TAFA1: variants seen among roughly 807,000 people sequenced by gnomAD.
The protein encoded by TAFA1 is chemokine-like protein TAFA-1.
Under a neutral mutation model 18.5 loss-of-function variants are expected in TAFA1, and 4 were observed. The observed-to-expected ratio is 0.22, with a 90% CI of 0.11 to 0.49. The LOEUF (loss-of-function observed/expected upper bound fraction) is 0.49, where lower values mean the gene tolerates loss of function less well. Ranked by LOEUF, TAFA1 falls within the 20% of genes least tolerant of loss-of-function variation. The pLI is 0.98. For synonymous variants in TAFA1, 56 were observed against 55.2 expected, an observed-to-expected ratio of 1.01 and a Z score of -0.06; for missense variants, 147 against 169.0, an observed-to-expected ratio of 0.87 and a Z score of 0.72.
chr3:68,023,765 G>A (rs373892939), intron 2 of TAFA1, among the ~76,000 whole-genome samples: 2 of 152,170 alleles, frequency 1.3e-5, no homozygotes, highest in African/African-American at 4.8e-5. Context: ...AAAATAACAT[G>A]ACATCAAGCT....
At chr3:68,346,677 T>C (rs1039156596) in intron 2 of TAFA1, among the ~76,000 whole-genome samples, 2 of 152,220 alleles carry the variant, frequency 1.3e-5, no homozygotes, top group African/African-American at 4.8e-5. Context: ...CAGAACTTGC[T>C]GTAGGTTAAC....
At chr3:68,447,210 G>A (rs1205987890) in intron 3 of TAFA1, among the ~76,000 whole-genome samples, 1 of 152,152 alleles carries the variant, frequency 6.6e-6, no homozygotes, top group Non-Finnish European at 1.5e-5. Flanking sequence ...CACACACAAT[G>A]CAGCCTCCTA....
chr3:68,448,623 A>G (rs1421157524), intron 3 of TAFA1, among the ~76,000 whole-genome samples: 1 of 149,640 alleles, frequency 6.7e-6, no homozygotes, highest in Admixed American at 6.6e-5. Context: ...TTTTTTTTCT[A>G]TTTAAGGCCA....
At chr3:68,497,446 G>A (rs999029051) in intron 3 of TAFA1, among the ~76,000 whole-genome samples, 1 of 152,156 alleles carries the variant, frequency 6.6e-6, no homozygotes. Context: ...CTAAGATTGA[G>A]AGGTATCAAG....
At chr3:68,380,511 A>G (rs548101278) in intron 2 of TAFA1, among the ~76,000 whole-genome samples, 1 of 152,272 alleles carries the variant, frequency 6.6e-6, no homozygotes, top group South Asian at 2.1e-4. Context: ...CATTTCTCTG[A>G]TGGCCAGTGA....
At chr3:68,231,437 T>C (rs562832399) in intron 2 of TAFA1, among the ~76,000 whole-genome samples, 4 of 136,362 alleles carry the variant, frequency 2.9e-5, no homozygotes, top group South Asian at 2.5e-4. Context: ...CTCGGCTCAC[T>C]GCAAGCTCCG....
chr3:68,071,936 G>C (rs2064760310), intron 2 of TAFA1, among the ~76,000 whole-genome samples: 1 of 152,050 alleles, frequency 6.6e-6, no homozygotes, highest in African/African-American at 2.4e-5. Flanking sequence ...CCTCCCACCA[G>C]ACCCCACCTC....
intron 2 of TAFA1, among the ~76,000 whole-genome samples, chr3:68,082,052 C>G (rs893207614): frequency 1.3e-5 from 2 of 152,184 alleles, no homozygotes; most frequent in African/African-American, 4.8e-5. Context: ...AAGCGCAGTA[C>G]TCGGGTGGGA....
At position 68,271,767 on chromosome 3, in the gene TAFA1, C is replaced by G. The variant is rs540834312; in HGVS notation, c.119-145513C>G. Among the ~76,000 whole-genome samples, 8 of 151,958 alleles carry G rather than the reference C, an allele frequency of 5.3e-5. No individual in the cohort carries two copies. In the East Asian group the frequency reaches 1.2e-3, roughly 22 times the overall value. On this transcript the variant is annotated intron_variant, in intron 2 of 4. Coordinates refer to ENST00000478136, the MANE Select transcript of TAFA1 (RefSeq NM_213609.4). ...ACATCCACCTGTATTTCATCTCCCC[C>G]CTTCCATATTAGATTTTTCTCTCCC...
chr3:68,359,845 C>A (rs2069437657), intron 2 of TAFA1, among the ~76,000 whole-genome samples: 1 of 151,922 alleles, frequency 6.6e-6, no homozygotes. Flanking sequence ...AGACGAACCA[C>A]TTTTCTAGTT....
chr3:68,011,842 G>A (rs1406823381), intron 2 of TAFA1, among the ~76,000 whole-genome samples: 1 of 152,148 alleles, frequency 6.6e-6, no homozygotes, highest in Non-Finnish European at 1.5e-5. Flanking sequence ...ATTGATATTT[G>A]ATCAGACCCT....
intron 2 of TAFA1, among the ~76,000 whole-genome samples, chr3:68,039,171 G>C (rs1292481180): frequency 6.6e-6 from 1 of 152,082 alleles, no homozygotes; most frequent in Non-Finnish European, 1.5e-5. Context: ...CTTATTCTCT[G>C]AATATAGCAT....
intron 3 of TAFA1, among the ~76,000 whole-genome samples, chr3:68,498,409 T>G (rs1320087568): frequency 6.6e-6 from 1 of 152,084 alleles, no homozygotes; most frequent in African/African-American, 2.4e-5. Flanking sequence ...AATCAGAGAT[T>G]AAACGTAAGC....
intron 2 of TAFA1, among the ~76,000 whole-genome samples, chr3:68,195,983 C>A (rs1369785504): frequency 2.0e-5 from 3 of 151,666 alleles, no homozygotes; most frequent in African/African-American, 4.8e-5. Flanking sequence ...TTTCTCTCTT[C>A]TTCTGGTCTC....
intron 2 of TAFA1, among the ~76,000 whole-genome samples, chr3:68,195,266 G>A (rs1054682775): frequency 2.7e-5 from 4 of 149,544 alleles, no homozygotes; most frequent in African/African-American, 9.8e-5. Flanking sequence ...ATCCTTAAGG[G>A]ATAAGTCTGT....
At chr3:68,281,070 A>G (rs1477750338) in intron 2 of TAFA1, among the ~76,000 whole-genome samples, 3 of 152,168 alleles carry the variant, frequency 2.0e-5, no homozygotes, top group African/African-American at 7.2e-5. Context: ...ATTCTTATGG[A>G]ATAAGAAATC....
At chr3:68,509,977 A>G (rs1469124001) in intron 3 of TAFA1, among the ~76,000 whole-genome samples, 2 of 152,088 alleles carry the variant, frequency 1.3e-5, no homozygotes, top group African/African-American at 2.4e-5. Flanking sequence ...TGTTATATGT[A>G]ACTTCCCAAT....
chr3:68,509,065 G>A (rs1311139567), intron 3 of TAFA1, among the ~76,000 whole-genome samples: 2 of 152,014 alleles, frequency 1.3e-5, no homozygotes, highest in Admixed American at 1.3e-4. Flanking sequence ...TCCAAGTGTT[G>A]ATGCACCATT....
chr3:68,391,305 T>C (rs1409288716), intron 2 of TAFA1, among the ~76,000 whole-genome samples: 2 of 151,718 alleles, frequency 1.3e-5, no homozygotes, highest in Admixed American at 6.6e-5. Context: ...GAAGACAAGA[T>C]TAGAGAAAAA....
Sources: gnomAD v4.1 joint callset for allele counts (sites outside exome capture counted in the v4.1 genomes callset) on GRCh38, gnomAD v4.1.1 for gene constraint, MANE v1.5 for transcripts, NCBI Gene and HGNC (gene_info 2026-07-23, HGNC 2026-07-21) for gene names.